The following FSHR variants were observed in gnomAD, a reference collection of about 807,000 sequenced individuals.
FSHR encodes the protein follicle stimulating hormone receptor, also known as follicle-stimulating hormone receptor.
In FSHR, 46 loss-of-function variants were observed where a neutral mutation model predicts 52.1. The observed-to-expected ratio is 0.88, with a 90% CI of 0.70 to 1.13. FSHR has a LOEUF of 1.13. FSHR is among the 50% of genes most tolerant of loss of function. FSHR has a pLI of 0.00. For missense variants in FSHR, 964 were observed against 834.6 expected (o/e 1.16, Z -1.91); for synonymous variants, 399 against 309.6 (o/e 1.29, Z -3.03).
intron 1 of FSHR, among the ~76,000 whole-genome samples, chr2:49,151,525 A>G (rs1445916394): frequency 6.6e-6 from 1 of 152,130 alleles, no homozygotes; most frequent in East Asian, 1.9e-4. Context: ...TAGCTGGCAG[A>G]TGTATCAAAT....
intron 1 of FSHR, among the ~76,000 whole-genome samples, chr2:49,088,454 A>G (rs1670479840): frequency 6.6e-6 from 1 of 152,200 alleles, no homozygotes; most frequent in South Asian, 2.1e-4. Flanking sequence ...TTCAGAATTG[A>G]ACTTTTGTTA....
At chr2:49,098,949 C>A (rs533575055) in intron 1 of FSHR, among the ~76,000 whole-genome samples, 1 of 150,304 alleles carries the variant, frequency 6.7e-6, no homozygotes, top group African/African-American at 2.4e-5. Context: ...CACACACACA[C>A]ACACACATCC....
chr2:49,090,566 C>T (rs901894413), intron 1 of FSHR, among the ~76,000 whole-genome samples: 5 of 152,284 alleles, frequency 3.3e-5, no homozygotes, highest in African/African-American at 9.6e-5. Flanking sequence ...ATGAATAGAG[C>T]TGCTATAAAC....
chr2:49,040,410 A>AT (rs1668440423), intron 2 of FSHR, among the ~76,000 whole-genome samples: 1 of 152,102 alleles, frequency 6.6e-6, no homozygotes, highest in African/African-American at 2.4e-5. Context: ...TAATTTCTAT[A>AT]TAAGTTACTC....
At chr2:49,101,487 A>G (rs1386007493) in intron 1 of FSHR, among the ~76,000 whole-genome samples, 1 of 152,166 alleles carries the variant, frequency 6.6e-6, no homozygotes, top group East Asian at 1.9e-4. Flanking sequence ...AATTCTAATG[A>G]TAAGAAAGCA....
intron 1 of FSHR, among the ~76,000 whole-genome samples, chr2:49,122,478 C>T (rs1671853138): frequency 6.6e-6 from 1 of 152,172 alleles, no homozygotes; most frequent in Non-Finnish European, 1.5e-5. Context: ...AAAGTCTGAT[C>T]ACTTCTTCCT....
At chr2:49,117,355 T>G (rs554712560) in intron 1 of FSHR, among the ~76,000 whole-genome samples, 2 of 152,346 alleles carry the variant, frequency 1.3e-5, no homozygotes, top group Non-Finnish European at 2.9e-5. Flanking sequence ...GGACATATCA[T>G]ACATATTTAA....
intron 8 of FSHR, among the ~76,000 whole-genome samples, chr2:48,969,699 C>T (rs1674650947): frequency 6.6e-6 from 1 of 152,238 alleles, no homozygotes; most frequent in Non-Finnish European, 1.5e-5. Flanking sequence ...GAAAGTTGTT[C>T]TTGTTTGGTA....
chr2:49,019,991 G>A (rs1407503293), intron 3 of FSHR, 95 bp downstream of exon 3: 5 of 1,018,398 alleles, frequency 4.9e-6, no homozygotes, highest in East Asian at 2.4e-5. Flanking sequence ...GGGATCTGAG[G>A]CCATGGCAGA....
intron 4 of FSHR, among the ~76,000 whole-genome samples, chr2:49,011,997 G>A (rs2104189187): frequency 6.6e-6 from 1 of 152,166 alleles, no homozygotes; most frequent in East Asian, 1.9e-4. Flanking sequence ...GAATCTCCTG[G>A]AATTGTTCCC....
At chr2:49,050,987 G>A (rs1558411515) in intron 2 of FSHR, among the ~76,000 whole-genome samples, 1 of 152,018 alleles carries the variant, frequency 6.6e-6, no homozygotes, top group Non-Finnish European at 1.5e-5. Context: ...GAATCATATG[G>A]TATACCTTCT....
At chr2:49,149,051 T>C (rs1412475072) in intron 1 of FSHR, among the ~76,000 whole-genome samples, 1 of 151,968 alleles carries the variant, frequency 6.6e-6, no homozygotes, top group East Asian at 1.9e-4. Flanking sequence ...GAAGCAAAGA[T>C]AATGGTAATT....
chr2:49,097,093 C>T (rs1670849775), intron 1 of FSHR, among the ~76,000 whole-genome samples: 1 of 152,174 alleles, frequency 6.6e-6, no homozygotes, highest in Non-Finnish European at 1.5e-5. Flanking sequence ...GCAAGAATGA[C>T]CTAATTCACA....
rs897616941 is a variant in FSHR at position 49,085,350 on chromosome 2, T to C, written c.153-17060A>G. ...GGTATTGATGGGACGTATCTCAAAA[T>C]AATAAGAGCTATCTATGACAAACCC... is the stretch of plus-strand genomic sequence containing the variant. On this transcript the variant is annotated intron_variant, in intron 1 of 9. Transcript: ENST00000406846. Among the ~76,000 whole-genome samples the C allele has an allele frequency of 5.9e-5, 9 of 152,332 alleles. No individual in the cohort carries two copies. The East Asian group carries it at 1.7e-3, about 29-fold the overall frequency.
chr2:49,054,085 T>C (rs977935961), intron 2 of FSHR, among the ~76,000 whole-genome samples: 3 of 152,208 alleles, frequency 2.0e-5, no homozygotes, highest in Non-Finnish European at 2.9e-5. Context: ...AATATCTTTT[T>C]TCTATTGCTT....
chr2:49,085,472 A>G (rs34684515), intron 1 of FSHR, among the ~76,000 whole-genome samples: 4,185 of 152,312 alleles, frequency 0.027, 71 homozygotes, highest in South Asian at 0.043. Flanking sequence ...ACTATTCAAC[A>G]TAGTGTTGGA....
chr2:49,070,247 G>A (rs10194443), intron 1 of FSHR, among the ~76,000 whole-genome samples: 10,698 of 152,172 alleles, frequency 0.07, 531 homozygotes, highest in Non-Finnish European at 0.1. Context: ...AAGAGTAGAT[G>A]AGTTTTGAAC....
chr2:48,972,118 T>G (rs879535419), intron 8 of FSHR, among the ~76,000 whole-genome samples: 15 of 152,186 alleles, frequency 9.9e-5, no homozygotes, highest in South Asian at 8.3e-4. Flanking sequence ...AGACTTTGAA[T>G]AATAAAAATG....
chr2:49,045,339 A>G lies in FSHR; in HGVS notation c.224+22880T>C, dbSNP rs376141291. 8.1e-4 allele frequency among the ~76,000 whole-genome samples: 124 copies of G among 152,292 alleles called. 4 individuals carry two copies. In the South Asian group the frequency reaches 9.7e-3, roughly 12 times the overall value. On this transcript the variant is annotated intron_variant, in intron 2 of 9. Transcript: ENST00000406846. The stretch of plus-strand genomic sequence containing the variant: ...TCTTAGGTCCACCCAGACCTACTCA[A>G]TCAGACTCTCCACAGTAGTTAGATC...
Sources: gnomAD v4.1 joint callset for allele counts (sites outside exome capture counted in the v4.1 genomes callset) on GRCh38, gnomAD v4.1.1 for gene constraint, MANE v1.5 for transcripts, NCBI Gene and HGNC (gene_info 2026-07-23, HGNC 2026-07-21) for gene names.